Variants in FMNL2 observed in about 807,000 individuals in gnomAD.
The protein encoded by FMNL2 is formin like 2, also known as formin-like protein 2.
FMNL2 carries 51 observed loss-of-function variants against 130.2 expected under a neutral mutation model. The ratio of observed to expected loss-of-function variants is 0.39; its 90% CI spans 0.31 to 0.49. The LOEUF (loss-of-function observed/expected upper bound fraction) is 0.49. Among genes scored for constraint, FMNL2 ranks in the 20% least tolerant of loss-of-function variants. FMNL2 has a pLI of 0.85. For missense variants in FMNL2, 977 were observed against 1,316.2 expected (o/e 0.74, Z 3.99); for synonymous variants, 465 against 467.1 (o/e 1.00, Z 0.06).
chr2:152,556,126 G>A (rs1196836554), intron 4 of FMNL2, among the ~76,000 whole-genome samples: 7 of 152,190 alleles, frequency 4.6e-5, no homozygotes, highest in Admixed American at 4.6e-4. Flanking sequence ...TCAAGAAGGG[G>A]TAGGGACTGA....
At chr2:152,631,889 C>T in intron 20 of FMNL2, 119 bp from the exon 21 acceptor site, 1 of 1,122,550 alleles carries the variant, frequency 8.9e-7, no homozygotes, top group East Asian at 2.6e-5. Flanking sequence ...GGGAATGCTC[C>T]AGCCTGTTGG....
At chr2:152,594,885 T>C (rs1432772900) in intron 9 of FMNL2, among the ~76,000 whole-genome samples, 2 of 152,166 alleles carry the variant, frequency 1.3e-5, no homozygotes, top group Non-Finnish European at 2.9e-5. Context: ...ACACACTCAC[T>C]AGAAGAAAAT....
At chr2:152,626,416 A>G (rs1681789367) in intron 16 of FMNL2, 109 bp from the exon 17 acceptor site, 1 of 845,050 alleles carries the variant, frequency 1.2e-6, no homozygotes, top group South Asian at 1.8e-5. Flanking sequence ...GCCAAAGACA[A>G]GTACTTAATA....
chr2:152,368,817 T>C (rs1683709125), intron 1 of FMNL2, among the ~76,000 whole-genome samples: 1 of 152,222 alleles, frequency 6.6e-6, no homozygotes, highest in African/African-American at 2.4e-5. Context: ...TGAAGGAGAA[T>C]TCTTTGAACT....
chr2:152,622,812 GTT>G lies in FMNL2; in HGVS notation c.1838-2612_1838-2611del, dbSNP rs34011004. Reference sequence around the variant, plus strand: ...CCTCTTCCATTTCCTCTGAGAAAAGGTTTTTTTTTTTTTTTCTTCTTCTTCTT... The same window carrying G: ...CCTCTTCCATTTCCTCTGAGAAAAGGTTTTTTTTTTTTTCTTCTTCTTCTT... On this transcript the variant is annotated intron_variant, in intron 15 of 25. Transcript: ENST00000288670. 1.5e-3 allele frequency among the ~76,000 whole-genome samples: 204 copies of G among 136,888 alleles called. 5 individuals carry two copies. The South Asian group carries it at 0.047, about 32-fold the overall frequency. 89.8% of individuals were successfully genotyped at this position (136,888 alleles called of 152,430 possible).
chr2:152,466,997 G>T (rs1689583162), intron 1 of FMNL2, among the ~76,000 whole-genome samples: 1 of 152,104 alleles, frequency 6.6e-6, no homozygotes, highest in Non-Finnish European at 1.5e-5. Context: ...GCCTCCTCCA[G>T]TCTGGGAAGC....
intron 9 of FMNL2, among the ~76,000 whole-genome samples, chr2:152,591,054 G>T (rs1415208280): frequency 2.4e-5 from 3 of 127,312 alleles, no homozygotes; most frequent in Non-Finnish European, 4.7e-5. Flanking sequence ...TCACCACCCA[G>T]GCTGGGGTGC....
intron 9 of FMNL2, among the ~76,000 whole-genome samples, chr2:152,595,989 G>T (rs1457565327): frequency 9.3e-5 from 13 of 139,156 alleles, no homozygotes; most frequent in African/African-American, 3.3e-4. Context: ...TTTAGACCAA[G>T]TCTCACTCTG....
intron 1 of FMNL2, among the ~76,000 whole-genome samples, chr2:152,428,020 A>G (rs1687286910): frequency 6.6e-6 from 1 of 152,148 alleles, no homozygotes. Flanking sequence ...AAACTTTGCC[A>G]TTGTCTTTAA....
At chr2:152,384,113 T>A (rs996548542) in intron 1 of FMNL2, among the ~76,000 whole-genome samples, 2 of 152,198 alleles carry the variant, frequency 1.3e-5, no homozygotes, top group Non-Finnish European at 2.9e-5. Context: ...TTTATCTTTT[T>A]AAGTTTTCGT....
At chr2:152,399,330 A>C (rs1380154584) in intron 1 of FMNL2, among the ~76,000 whole-genome samples, 1 of 152,226 alleles carries the variant, frequency 6.6e-6, no homozygotes, top group Non-Finnish European at 1.5e-5. Context: ...GATGTTTGAA[A>C]TGATGGTTGA....
chr2:152,402,002 C>T (rs1282538841), intron 1 of FMNL2, among the ~76,000 whole-genome samples: 1 of 146,074 alleles, frequency 6.8e-6, no homozygotes, highest in Non-Finnish European at 1.5e-5. Context: ...GCCTCCCGGG[C>T]TCACATGCCA....
At chr2:152,637,492 G>GCTT (rs1207307255) in intron 22 of FMNL2, 81 bp from the exon 23 acceptor site, 1 of 1,094,340 alleles carries the variant, frequency 9.1e-7, no homozygotes, top group Non-Finnish European at 1.4e-6. Context: ...TGTGGCTGCT[G>GCTT]CTTTGCATCA....
chr2:152,412,403 C>T (rs1686335580), intron 1 of FMNL2, among the ~76,000 whole-genome samples: 1 of 138,800 alleles, frequency 7.2e-6, no homozygotes, highest in Admixed American at 7.2e-5. Context: ...TCTGTCTCTT[C>T]TCCCTTCAGT....
chr2:152,501,887 C>T (rs1477944822), intron 1 of FMNL2, among the ~76,000 whole-genome samples: 1 of 152,082 alleles, frequency 6.6e-6, no homozygotes, highest in Non-Finnish European at 1.5e-5. Context: ...TCCAAACGTT[C>T]TAGTTCATTT....
At chr2:152,532,778 TC>T (rs1244357896) in intron 2 of FMNL2, among the ~76,000 whole-genome samples, 3 of 151,966 alleles carry the variant, frequency 2.0e-5, no homozygotes, top group East Asian at 3.9e-4. Context: ...CAGCTAATTT[TC>T]GTATTTTTAG....
intron 1 of FMNL2, among the ~76,000 whole-genome samples, chr2:152,389,488 A>G (rs1353794697): frequency 6.6e-6 from 1 of 152,364 alleles, no homozygotes; most frequent in Admixed American, 6.5e-5. Flanking sequence ...TTGAGGAGAC[A>G]CATTCAGTTT....
chr2:152,346,754 G>A (rs1312233751), intron 1 of FMNL2, among the ~76,000 whole-genome samples: 1 of 152,084 alleles, frequency 6.6e-6, no homozygotes. Flanking sequence ...TTTTTAGAAT[G>A]ATATTACCTG....
At chr2:152,375,877 C>CTCTATATATATATATATATATA (rs796954245) in intron 1 of FMNL2, among the ~76,000 whole-genome samples, 6 of 112,482 alleles carry the variant, frequency 5.3e-5, no homozygotes, top group East Asian at 5.4e-4. Flanking sequence ...CTCTCTCTCT[C>CTCTATATATATATATATATATA]TATATATATA....
Sources: gnomAD v4.1 joint callset for allele counts (sites outside exome capture counted in the v4.1 genomes callset) on GRCh38, gnomAD v4.1.1 for gene constraint, MANE v1.5 for transcripts, NCBI Gene and HGNC (gene_info 2026-07-23, HGNC 2026-07-21) for gene names.